Variants in IGDCC4 observed in about 807,000 individuals in gnomAD.
IGDCC4 encodes likely ortholog of mouse neighbor of Punc E11.
A neutral mutation model predicts 116.6 loss-of-function variants in IGDCC4; 72 were observed. The ratio of observed to expected loss-of-function variants is 0.62; its 90% CI spans 0.51 to 0.75. IGDCC4 has a LOEUF of 0.75. Among genes scored for constraint, IGDCC4 ranks in the 30% least tolerant of loss-of-function variants. The pLI, the probability that IGDCC4 is intolerant of heterozygous loss-of-function variation, is 0.00. For synonymous variants in IGDCC4, 709 were observed against 719.9 expected (o/e 0.98, Z 0.24); for missense variants, 1,501 against 1,662.4 (o/e 0.90, Z 1.69).
chr15:65,402,284 C>T, intron 4 of IGDCC4, 67 bp downstream of exon 4: 1 of 1,524,482 alleles, frequency 6.6e-7, no homozygotes, highest in South Asian at 1.2e-5. Context: ...CCCTTGAGGT[C>T]CCTCCCAGCT....
intron 18 of IGDCC4, chr15:65,385,557 G>A: frequency 1.7e-6 from 1 of 579,832 alleles, no homozygotes; most frequent in Non-Finnish European, 3.1e-6. Flanking sequence ...CCAGCTCCAG[G>A]GATGAGGAGG....
rs1285158878 is a variant in IGDCC4, at chr15:65,383,445, G to C, written c.*564C>G. 1 of 152,216 alleles carries C rather than the reference G, an allele frequency of 6.6e-6. No homozygotes were observed. Among genetic ancestry groups the C allele is most frequent in the African/African-American group, 2.4e-5 (1 of 41,410 alleles). 9.4% of individuals were successfully genotyped at this position (152,216 alleles called of 1,614,324 possible). A position where few individuals can be genotyped will look rare whatever the true frequency, so the allele number is the denominator to read the frequency against. ...TACAAAATTAAATGCAGAGTTGCTC[G>C]GAGGGGAGCCAGGGCCACCCTCTCT... On this transcript the variant is annotated 3_prime_UTR_variant, in exon 20 of 20. Transcript: ENST00000352385.
In IGDCC4 at chr15:65,382,911, A is replaced by C. The variant is rs1425271799; in HGVS notation, c.*1098T>G. 1 of 152,206 alleles carries C rather than the reference A, an allele frequency of 6.6e-6. No individual in the cohort carries two copies. The allele number at this position is 152,206 out of a possible 1,614,324, so 9.4% of individuals were successfully genotyped here. ...TTTTTATTCTGAGCCTCTGGATCAC[A>C]GCCCCCTTCCCTGTCTCAAACATTC... On this transcript the variant is annotated 3_prime_UTR_variant, in exon 20 of 20. Transcript: ENST00000352385.
chr15:65,409,094 C>G (rs1203012163), intron 3 of IGDCC4, among the ~76,000 whole-genome samples: 1 of 152,096 alleles, frequency 6.6e-6, no homozygotes, highest in East Asian at 1.9e-4. Context: ...TTCGTCCTCC[C>G]AAAAGGTTGG....
intron 1 of IGDCC4, among the ~76,000 whole-genome samples, chr15:65,419,173 C>A (rs569651016): frequency 2.0e-5 from 3 of 151,470 alleles, no homozygotes; most frequent in Middle Eastern, 3.5e-3. Flanking sequence ...CCTCCCACTT[C>A]GGCCTCCTGA....
chr15:65,412,944 T>TACAC (rs10563998), intron 1 of IGDCC4, among the ~76,000 whole-genome samples: 42 of 147,660 alleles, frequency 2.8e-4, no homozygotes, highest in South Asian at 4.3e-4. Flanking sequence ...TCTCTCTCTG[T>TACAC]ACACACACAC....
rs149705535 is a variant in IGDCC4 at position 65,392,153 on chromosome 15, C to T, written c.2103G>A (p.Gln701=). The change falls in exon 11 of 20, where the codon CAG becomes CAA. Residue 701 remains glutamine, a synonymous_variant. Transcript: ENST00000352385. ...CCTCACCTAGCTGGGTCAGCTCATA[C>T]TGCTTCACTTTCTTCTTGAGCCGGA... is the stretch of plus-strand genomic sequence containing the variant. ...GPVRLKKKVK[Q]YELTQLVPGR... The T allele has an allele frequency of 4.1e-4, 653 of 1,607,720 alleles. 2 individuals are homozygous for T. Among genetic ancestry groups the T allele is most frequent in the Middle Eastern group, 8.3e-4 (5 of 6,050 alleles).
chr15:65,400,800 A>G lies in IGDCC4; in HGVS notation c.841+6T>C. ...ATGCCCTCCTTCTCCCACCCCCTCC[A>G]CTCACCTTGTCGGACCCAGGACACA... is the stretch of plus-strand genomic sequence containing the variant. On this transcript the variant is annotated splice_donor_region_variant and intron_variant, in intron 5 of 19. Transcript: ENST00000352385. 6.3e-7 allele frequency: 1 copy of G among 1,590,010 alleles called. No homozygotes were observed. Among genetic ancestry groups the G allele is most frequent in the South Asian group, 1.1e-5 (1 of 87,752 alleles).
chr15:65,400,112 CAGG>C (rs2062969895), intron 5 of IGDCC4, among the ~76,000 whole-genome samples: 1 of 152,200 alleles, frequency 6.6e-6, no homozygotes, highest in South Asian at 2.1e-4. Context: ...TGGAGGCTGA[CAGG>C]AGAACAGGTG....
chr15:65,422,867 C>T lies in IGDCC4; in HGVS notation c.-5G>A, dbSNP rs981587104. The stretch of plus-strand genomic sequence containing the variant: ...GCCGGCGTCCCCCCGCGCCATGGGG[C>T]TGGGCTCGGGCCGCCGCCGCCGCCG... On this transcript the variant is annotated 5_prime_UTR_variant, in exon 1 of 20. Transcript: ENST00000352385. The T allele has an allele frequency of 8.7e-7, 1 of 1,145,580 alleles. No homozygotes were observed. Among genetic ancestry groups the T allele is most frequent in the Non-Finnish European group, 1.1e-6 (1 of 931,816 alleles). The allele number at this position is 1,145,580 out of a possible 1,614,324, so 71.0% of individuals were successfully genotyped here.
At chr15:65,406,126 C>T (rs551343394) in intron 3 of IGDCC4, among the ~76,000 whole-genome samples, 1 of 152,256 alleles carries the variant, frequency 6.6e-6, no homozygotes, top group Non-Finnish European at 1.5e-5. Context: ...GAGTGAATGG[C>T]GATAACAAAA....
At chr15:65,386,802 G>A (rs1035057876) in intron 16 of IGDCC4, 146 bp from the exon 17 acceptor site, 3 of 640,036 alleles carry the variant, frequency 4.7e-6, no homozygotes, top group African/African-American at 3.6e-5. Flanking sequence ...AAGGACAGGA[G>A]GGCCCTGAGC....
At chr15:65,413,396 G>T (rs1476286049) in intron 1 of IGDCC4, among the ~76,000 whole-genome samples, 4 of 152,108 alleles carry the variant, frequency 2.6e-5, no homozygotes, top group African/African-American at 7.2e-5. Context: ...TCAATCCAGG[G>T]TTCTTTTTTC....
In IGDCC4 at chr15:65,384,903, A is replaced by G. The variant is rs1475005234; in HGVS notation, c.3342+51T>C. On this transcript the variant is annotated intron_variant, in intron 19 of 19. Transcript: ENST00000352385. The surrounding 1 kb of genome is among the most constrained non-coding windows in gnomAD (Gnocchi z 4.9). ...GAGAACTCATTACTTCCTCTTCACAAGCACAGAGACCCTTTCCTCCTTTCC... is the reference window on the plus strand; with the variant it reads ...GAGAACTCATTACTTCCTCTTCACAGGCACAGAGACCCTTTCCTCCTTTCC... 3 of 1,559,398 alleles carry G rather than the reference A, an allele frequency of 1.9e-6. No homozygotes were observed. The highest frequency in any genetic ancestry group is 2.3e-5 in the South Asian group (2 of 85,320).
intron 12 of IGDCC4, among the ~76,000 whole-genome samples, chr15:65,390,542 A>T (rs948773947): frequency 6.6e-6 from 1 of 152,242 alleles, no homozygotes; most frequent in African/African-American, 2.4e-5. Flanking sequence ...GTCTGTAAGA[A>T]CGTAATAAAG....
rs1439965971 is a variant in IGDCC4, at chr15:65,410,170, G to T, written c.563+8C>A. On this transcript the variant is annotated splice_region_variant and intron_variant, in intron 3 of 19. Coordinates refer to ENST00000352385, the MANE Select transcript of IGDCC4 (RefSeq NM_020962.3). ...CTACCAGGACCCGCTCCCCTACAGG[G>T]CACTCACCGAGGCTCCTCAGGCAAT... 1 of 1,612,050 alleles carries T rather than the reference G, an allele frequency of 6.2e-7. No individual in the cohort carries two copies. The highest frequency in any genetic ancestry group is 1.7e-5 in the Admixed American group (1 of 60,014).
chr15:65,390,648 G>C (rs1313445804), intron 12 of IGDCC4, among the ~76,000 whole-genome samples: 2 of 152,186 alleles, frequency 1.3e-5, no homozygotes, highest in Non-Finnish European at 2.9e-5. Context: ...CTTACTAGCT[G>C]TGTGACCTTG....
intron 3 of IGDCC4, among the ~76,000 whole-genome samples, chr15:65,405,309 G>GTTTTTTT (rs56300756): frequency 7.0e-6 from 1 of 142,460 alleles, no homozygotes; most frequent in Non-Finnish European, 1.5e-5. Flanking sequence ...TGTTAAGTGG[G>GTTTTTTT]TTTTTTTTTT....
Position 65,396,098 on chromosome 15 carries a change from C to G in IGDCC4, c.1063G>C (p.Val355Leu). Residue 355 changes from valine to leucine, a missense_variant, in exon 7 of 20, where the codon GTG becomes CTG. Around this residue, in one of 3 missense-constraint regions of IGDCC4, gnomAD observed 898 missense variants for 978.9 expected, o/e 0.92. Coordinates refer to ENST00000352385, the MANE Select transcript of IGDCC4 (RefSeq NM_020962.3). ...SRTRASTARF[V>L]CRASGEPRPA... Reference sequence around the variant, plus strand: ...CGCGGCTCCCCCGACGCGCGGCACACGAAGCGCGCTGTGCTCGCCCGCGTC... The same window carrying G: ...CGCGGCTCCCCCGACGCGCGGCACAGGAAGCGCGCTGTGCTCGCCCGCGTC... 7.2e-7 allele frequency: 1 copy of G among 1,397,636 alleles called. No homozygotes were observed. Among genetic ancestry groups the G allele is most frequent in the Non-Finnish European group, 9.2e-7 (1 of 1,083,898 alleles). 86.6% of individuals were successfully genotyped at this position (1,397,636 alleles called of 1,614,324 possible). A position where few individuals can be genotyped will look rare whatever the true frequency, so the allele number is the denominator to read the frequency against.
Sources: allele counts gnomAD v4.1 joint callset (sites outside exome capture counted in the v4.1 genomes callset), GRCh38; gene constraint gnomAD v4.1.1; regional missense constraint gnomAD v4.1.1; non-coding constraint Gnocchi (gnomAD v3.1); transcripts MANE v1.5; gene names NCBI Gene and HGNC (gene_info 2026-07-23, HGNC 2026-07-21).